PTPRG: variants seen among roughly 807,000 people sequenced by gnomAD.
PTPRG encodes protein tyrosine phosphatase receptor type G, also known as receptor-type tyrosine-protein phosphatase gamma.
PTPRG carries 102 observed loss-of-function variants against 165.3 expected under a neutral mutation model. The observed-to-expected ratio is 0.62, with a 90% CI of 0.53 to 0.73. The LOEUF (loss-of-function observed/expected upper bound fraction) is 0.73. Ranked by LOEUF, PTPRG falls within the 30% of genes least tolerant of loss-of-function variation. The pLI is 0.00. For missense variants in PTPRG, 1,866 were observed against 1,861.4 expected (o/e 1.00, Z -0.05); for synonymous variants, 675 against 669.5 (o/e 1.01, Z -0.13).
chr3:61,878,758 C>T (rs1368205242), intron 2 of PTPRG, among the ~76,000 whole-genome samples: 1 of 152,152 alleles, frequency 6.6e-6, no homozygotes, highest in Non-Finnish European at 1.5e-5. Flanking sequence ...ACCTCCTCTG[C>T]CTCCCAAAGT....
intron 6 of PTPRG, among the ~76,000 whole-genome samples, chr3:62,139,647 C>G (rs1310578858): frequency 1.3e-5 from 2 of 152,196 alleles, no homozygotes; most frequent in African/African-American, 4.8e-5. Flanking sequence ...CAAAATGAGG[C>G]TCTTGCAAGC....
chr3:61,839,409 C>T (rs1034526141), intron 2 of PTPRG, among the ~76,000 whole-genome samples: 4 of 152,048 alleles, frequency 2.6e-5, no homozygotes, highest in Admixed American at 6.5e-5. Context: ...CTCCTGGAAG[C>T]CCCAGATCAA....
intron 1 of PTPRG, among the ~76,000 whole-genome samples, chr3:61,583,869 C>G (rs1700367895): frequency 6.6e-6 from 1 of 152,158 alleles, no homozygotes; most frequent in Admixed American, 6.5e-5. Context: ...TCAATACATT[C>G]TTTTAATGCC....
chr3:62,277,822 T>C lies in PTPRG; in HGVS notation c.3765+143T>C. The C allele has an allele frequency of 6.0e-6, 6 of 1,003,486 alleles. No homozygotes were observed. The South Asian group carries it at 1.0e-4, about 17-fold the overall frequency. 62.2% of individuals were successfully genotyped at this position (1,003,486 alleles called of 1,614,324 possible). Reference sequence around the variant, plus strand: ...TTTTAAATTCTCATCTTGAAGTCTGTGGAGATTCCTTTCATAGTCTCACAA... The same window carrying C: ...TTTTAAATTCTCATCTTGAAGTCTGCGGAGATTCCTTTCATAGTCTCACAA... On this transcript the variant is annotated intron_variant, in intron 26 of 29. Transcript: ENST00000474889.
chr3:62,152,712 G>A (rs1448820010), intron 6 of PTPRG, among the ~76,000 whole-genome samples: 4 of 152,168 alleles, frequency 2.6e-5, no homozygotes, highest in African/African-American at 4.8e-5. Flanking sequence ...TGTATTGCTC[G>A]TGTTAATTCT....
intron 1 of PTPRG, among the ~76,000 whole-genome samples, chr3:61,619,425 T>A (rs1465794168): frequency 6.6e-6 from 1 of 152,158 alleles, no homozygotes. Flanking sequence ...TTTTCGACTG[T>A]CAGGACTGGG....
chr3:61,616,390 C>G (rs1000209996), intron 1 of PTPRG, among the ~76,000 whole-genome samples: 6 of 152,318 alleles, frequency 3.9e-5, no homozygotes, highest in Middle Eastern at 3.4e-3. Context: ...TGTCTGTTAA[C>G]ATTCACAAGT....
At chr3:61,914,832 C>A (rs1286085725) in intron 2 of PTPRG, among the ~76,000 whole-genome samples, 1 of 152,210 alleles carries the variant, frequency 6.6e-6, no homozygotes, top group Non-Finnish European at 1.5e-5. Flanking sequence ...GGAGGATGGG[C>A]ATAGGCAGAG....
chr3:61,724,265 A>C (rs1305526126), intron 1 of PTPRG, among the ~76,000 whole-genome samples: 2 of 151,838 alleles, frequency 1.3e-5, no homozygotes, highest in Admixed American at 1.3e-4. Context: ...TAATATGTAT[A>C]TAGTGTGTGA....
intron 1 of PTPRG, among the ~76,000 whole-genome samples, chr3:61,633,120 T>C (rs1387404221): frequency 1.3e-5 from 2 of 152,236 alleles, no homozygotes; most frequent in African/African-American, 4.8e-5. Context: ...CATCCTCCCA[T>C]GAGCCTGCAT....
chr3:61,571,366 C>T (rs1700051056), intron 1 of PTPRG, among the ~76,000 whole-genome samples: 1 of 152,090 alleles, frequency 6.6e-6, no homozygotes. Flanking sequence ...AGTATGGAAA[C>T]TATTTTTCCT....
intron 1 of PTPRG, among the ~76,000 whole-genome samples, chr3:61,698,913 G>T (rs1043512888): frequency 6.6e-6 from 1 of 151,884 alleles, no homozygotes; most frequent in African/African-American, 2.4e-5. Context: ...GCAAACTATC[G>T]CAAGGACAAA....
At chr3:61,898,653 T>C (rs1264105109) in intron 2 of PTPRG, among the ~76,000 whole-genome samples, 5 of 152,212 alleles carry the variant, frequency 3.3e-5, no homozygotes, top group African/African-American at 1.2e-4. Flanking sequence ...CATTGTATGA[T>C]TTTTGCAATG....
At chr3:61,696,744 T>C (rs1395409144) in intron 1 of PTPRG, among the ~76,000 whole-genome samples, 2 of 152,216 alleles carry the variant, frequency 1.3e-5, no homozygotes, top group African/African-American at 4.8e-5. Context: ...AGAAATCCCT[T>C]TTCTGGCTTT....
intron 1 of PTPRG, chr3:61,742,390 C>A: frequency 8.1e-7 from 1 of 1,227,820 alleles, no homozygotes; most frequent in Non-Finnish European, 1.1e-6. Context: ...GAAATTGGGC[C>A]TTTGGGTCTG....
At chr3:62,125,538 G>A (rs967636426) in intron 5 of PTPRG, among the ~76,000 whole-genome samples, 17 of 152,148 alleles carry the variant, frequency 1.1e-4, no homozygotes, top group African/African-American at 3.9e-4. Context: ...TATTGTTGGG[G>A]CTTTTCAGTG....
At chr3:62,067,875 T>C (rs898588542) in intron 4 of PTPRG, among the ~76,000 whole-genome samples, 1 of 152,150 alleles carries the variant, frequency 6.6e-6, no homozygotes, top group African/African-American at 2.4e-5. Flanking sequence ...CAACCAAAAA[T>C]GTCTCTAGAC....
chr3:61,601,304 G>A (rs1700860792), intron 1 of PTPRG, among the ~76,000 whole-genome samples: 1 of 152,174 alleles, frequency 6.6e-6, no homozygotes, highest in South Asian at 2.1e-4. Flanking sequence ...TTCTGAATCA[G>A]GGTATCGGCT....
chr3:61,919,271 A>G (rs4234692), intron 2 of PTPRG, among the ~76,000 whole-genome samples: 127,185 of 152,140 alleles, frequency 0.84, 53,683 homozygotes, highest in African/African-American at 0.94. Flanking sequence ...GATGTGGTTG[A>G]TCATGCACAG....
Sources: gnomAD v4.1 joint callset for allele counts (sites outside exome capture counted in the v4.1 genomes callset) on GRCh38, gnomAD v4.1.1 for gene constraint, MANE v1.5 for transcripts, NCBI Gene and HGNC (gene_info 2026-07-23, HGNC 2026-07-21) for gene names.